UST: variants seen among roughly 807,000 people sequenced by gnomAD.
UST encodes the protein uronyl 2-sulfotransferase.
A neutral mutation model predicts 45.6 loss-of-function variants in UST; 21 were observed. That is an observed-to-expected ratio of 0.46 (90% CI 0.33 to 0.66). The LOEUF (loss-of-function observed/expected upper bound fraction) is 0.66, where lower values mean the gene tolerates loss of function less well. Among genes scored for constraint, UST ranks in the 30% least tolerant of loss-of-function variants. UST has a pLI of 0.02. For synonymous variants in UST, 215 were observed against 200.6 expected, an observed-to-expected ratio of 1.07 and a Z score of -0.61; for missense variants, 463 against 512.4, an observed-to-expected ratio of 0.90 and a Z score of 0.93.
chr6:148,826,703 T>C (rs1462028781), intron 1 of UST, among the ~76,000 whole-genome samples: 3 of 152,210 alleles, frequency 2.0e-5, no homozygotes, highest in East Asian at 3.8e-4. Context: ...ACAATCCACA[T>C]ACCATGGGCT....
intron 1 of UST, among the ~76,000 whole-genome samples, chr6:148,811,287 T>C (rs1357449597): frequency 6.6e-6 from 1 of 152,202 alleles, no homozygotes; most frequent in Admixed American, 6.5e-5. Flanking sequence ...CTTGTTCTTT[T>C]AGTGATGCCT....
At chr6:148,973,441 G>A (rs1780959898) in intron 5 of UST, among the ~76,000 whole-genome samples, 1 of 152,206 alleles carries the variant, frequency 6.6e-6, no homozygotes, top group Non-Finnish European at 1.5e-5. Flanking sequence ...TTAAATGCAG[G>A]CCAATTCATA....
chr6:149,000,883 A>G, intron 5 of UST, among the ~76,000 whole-genome samples: 1 of 152,226 alleles, frequency 6.6e-6, no homozygotes, highest in East Asian at 1.9e-4. Context: ...AAAATAGTCA[A>G]GAGGAATTCA....
At position 149,034,296 on chromosome 6, in the gene UST, C is replaced by T. The variant is rs191085955; in HGVS notation, c.937+12815C>T. ...AAAATTTCGTATGTGCCAAAATTTT[C>T]GTATGTGCCATTAGATCTGCCGCAT... On this transcript the variant is annotated intron_variant, in intron 7 of 7. Coordinates refer to ENST00000367463, the MANE Select transcript of UST (RefSeq NM_005715.3). 5.6e-3 allele frequency among the ~76,000 whole-genome samples: 845 copies of T among 152,250 alleles called. 5 individuals are homozygous for T. The highest frequency in any genetic ancestry group is 8.2e-3 in the Non-Finnish European group (558 of 68,006).
At chr6:148,924,955 G>T (rs1779784003) in intron 2 of UST, among the ~76,000 whole-genome samples, 1 of 152,160 alleles carries the variant, frequency 6.6e-6, no homozygotes, top group African/African-American at 2.4e-5. Flanking sequence ...CATTTTCAAA[G>T]AATTTCTTGT....
intron 5 of UST, among the ~76,000 whole-genome samples, chr6:149,000,022 C>T (rs1562325555): frequency 1.3e-5 from 2 of 152,164 alleles, no homozygotes; most frequent in Non-Finnish European, 2.9e-5. Context: ...ATCCACAGGC[C>T]AGCTGGGCTC....
chr6:148,825,859 C>G (rs1777559174), intron 1 of UST, among the ~76,000 whole-genome samples: 1 of 152,116 alleles, frequency 6.6e-6, no homozygotes, highest in Admixed American at 6.5e-5. Flanking sequence ...GAAGGTTGGC[C>G]TCAGTGTGAA....
chr6:149,042,181 G>A (rs1053441262), intron 7 of UST, among the ~76,000 whole-genome samples: 8 of 151,936 alleles, frequency 5.3e-5, no homozygotes, highest in Non-Finnish European at 4.4e-5. Context: ...TGTATATGAC[G>A]TCACTATTTT....
chr6:148,857,192 C>A (rs891829611), intron 1 of UST, among the ~76,000 whole-genome samples: 4 of 151,992 alleles, frequency 2.6e-5, no homozygotes, highest in Non-Finnish European at 5.9e-5. Context: ...GAATTTTCAC[C>A]ACAAGCTCTG....
At chr6:148,944,682 T>A (rs1780199618) in intron 3 of UST, among the ~76,000 whole-genome samples, 2 of 152,198 alleles carry the variant, frequency 1.3e-5, no homozygotes, top group African/African-American at 4.8e-5. Context: ...AAAATAGAAA[T>A]ACCTTTGAAG....
intron 2 of UST, among the ~76,000 whole-genome samples, chr6:148,937,880 G>T (rs1003411467): frequency 6.6e-6 from 1 of 152,130 alleles, no homozygotes. Context: ...TCATACCCCA[G>T]CCTGGTTGTA....
chr6:148,991,101 A>G (rs1209494565), intron 5 of UST, among the ~76,000 whole-genome samples: 3 of 152,114 alleles, frequency 2.0e-5, no homozygotes, highest in East Asian at 1.9e-4. Flanking sequence ...TAAGAGGACA[A>G]TGAGTAACTG....
intron 1 of UST, among the ~76,000 whole-genome samples, chr6:148,861,393 T>A (rs1778309984): frequency 6.6e-6 from 1 of 152,184 alleles, no homozygotes; most frequent in African/African-American, 2.4e-5. Context: ...TCTCTTTTCT[T>A]CTTTATTAGT....
intron 1 of UST, among the ~76,000 whole-genome samples, chr6:148,866,485 C>T (rs966139949): frequency 1.2e-4 from 18 of 152,038 alleles, no homozygotes; most frequent in South Asian, 4.1e-4. Flanking sequence ...CTACAAGATG[C>T]GAAAACAACA....
chr6:148,837,214 C>T lies in UST; in HGVS notation c.248-49772C>T, dbSNP rs910026760. 6.6e-5 allele frequency among the ~76,000 whole-genome samples: 10 copies of T among 152,258 alleles called. No homozygotes were observed. In the East Asian group the frequency reaches 1.7e-3, roughly 26 times the overall value. ...TTTGGACCATTGAAGACAGGTAATTCATGTCAAAAAAAATGGCTTTTGATT... is the reference window on the plus strand; with the variant it reads ...TTTGGACCATTGAAGACAGGTAATTTATGTCAAAAAAAATGGCTTTTGATT... On this transcript the variant is annotated intron_variant, in intron 1 of 7. Coordinates refer to ENST00000367463, the MANE Select transcript of UST (RefSeq NM_005715.3).
At chr6:148,910,700 T>C (rs1291841724) in intron 2 of UST, among the ~76,000 whole-genome samples, 5 of 152,228 alleles carry the variant, frequency 3.3e-5, no homozygotes, top group East Asian at 1.9e-4. Context: ...ATAAAAGGTA[T>C]GAGTTAGGTG....
intron 1 of UST, among the ~76,000 whole-genome samples, chr6:148,829,080 T>C (rs763117708): frequency 6.6e-6 from 1 of 152,122 alleles, no homozygotes; most frequent in African/African-American, 2.4e-5. Flanking sequence ...TAAGAAGAGA[T>C]GTGCTCCAGA....
chr6:149,002,385 G>C (rs1781567811), intron 5 of UST, among the ~76,000 whole-genome samples: 1 of 152,040 alleles, frequency 6.6e-6, no homozygotes, highest in Non-Finnish European at 1.5e-5. Flanking sequence ...AAAATAGAAA[G>C]GTTCATTTAC....
In UST at chr6:149,075,845, A is replaced by T. The variant is rs1776882319; in HGVS notation, c.*1729A>T. On this transcript the variant is annotated 3_prime_UTR_variant, in exon 8 of 8. Coordinates refer to ENST00000367463, the MANE Select transcript of UST (RefSeq NM_005715.3). ...ATAGTAAATAAGACTCTGACTTTACACAAGCTACACATTTTATACTTTTCA... is the reference window on the plus strand; with the variant it reads ...ATAGTAAATAAGACTCTGACTTTACTCAAGCTACACATTTTATACTTTTCA... 1 of 152,522 alleles carries T rather than the reference A, an allele frequency of 6.6e-6. No individual in the cohort carries two copies. The highest frequency in any genetic ancestry group is 6.5e-5 in the Admixed American group (1 of 15,288). 9.4% of individuals were successfully genotyped at this position (152,522 alleles called of 1,614,324 possible). A position where few individuals can be genotyped will look rare whatever the true frequency, so the allele number is the denominator to read the frequency against.
Sources: allele counts gnomAD v4.1 joint callset (sites outside exome capture counted in the v4.1 genomes callset), GRCh38; gene constraint gnomAD v4.1.1; transcripts MANE v1.5; gene names NCBI Gene and HGNC (gene_info 2026-07-23, HGNC 2026-07-21).